The following TBC1D22A variants were observed in gnomAD, a reference collection of about 807,000 sequenced individuals.
TBC1D22A encodes TBC1 domain family member 22A.
Under a neutral mutation model 60.2 loss-of-function variants are expected in TBC1D22A, and 38 were observed. The observed-to-expected ratio is 0.63, with a 90% CI of 0.49 to 0.83. The LOEUF (loss-of-function observed/expected upper bound fraction) is 0.83, where lower values mean the gene tolerates loss of function less well. TBC1D22A is among the 40% of genes least tolerant of loss of function. The pLI is 0.00. For synonymous variants in TBC1D22A, 302 were observed against 281.7 expected, an observed-to-expected ratio of 1.07 and a Z score of -0.72; for missense variants, 628 against 701.0, an observed-to-expected ratio of 0.90 and a Z score of 1.18.
chr22:47,010,335 CT>C (rs371885971), intron 10 of TBC1D22A, among the ~76,000 whole-genome samples: 5 of 151,386 alleles, frequency 3.3e-5, no homozygotes, highest in African/African-American at 1.2e-4. Flanking sequence ...GCGTGGCTCC[CT>C]CCCCCTGGCT....
intron 8 of TBC1D22A, among the ~76,000 whole-genome samples, chr22:46,933,338 A>G (rs1325583213): frequency 1.3e-5 from 2 of 152,154 alleles, no homozygotes; most frequent in Non-Finnish European, 2.9e-5. Flanking sequence ...GGGCCTTCCC[A>G]TTAGGTAAGC....
chr22:47,161,916 C>T (rs533267808), intron 12 of TBC1D22A, among the ~76,000 whole-genome samples: 11 of 152,344 alleles, frequency 7.2e-5, no homozygotes, highest in African/African-American at 1.4e-4. Context: ...TTGCATTTTT[C>T]GGGGTGGTAG....
intron 7 of TBC1D22A, 81 bp downstream of exon 7, chr22:46,894,927 C>T (rs901203639): frequency 2.6e-5 from 40 of 1,512,298 alleles, no homozygotes; most frequent in African/African-American, 4.1e-5. Context: ...TGGGCGCAGC[C>T]GGAGGTGCTT....
chr22:46,854,239 T>C (rs576530413), intron 4 of TBC1D22A, among the ~76,000 whole-genome samples: 1 of 152,310 alleles, frequency 6.6e-6, no homozygotes, highest in South Asian at 2.1e-4. Flanking sequence ...TGGACGTGGT[T>C]GAGAGTCAGG....
chr22:46,783,584 A>C (rs918330334), intron 1 of TBC1D22A, among the ~76,000 whole-genome samples: 2 of 102,078 alleles, frequency 2.0e-5, no homozygotes, highest in African/African-American at 8.8e-5. Flanking sequence ...CCATGTGTGC[A>C]GGAGCAGTTT....
chr22:46,957,689 G>A (rs1025795062), intron 8 of TBC1D22A, among the ~76,000 whole-genome samples: 3 of 152,232 alleles, frequency 2.0e-5, no homozygotes, highest in African/African-American at 7.2e-5. Flanking sequence ...TGAGGACAGC[G>A]TGGGCCAGCT....
At chr22:46,787,837 A>T (rs2084226161) in intron 1 of TBC1D22A, among the ~76,000 whole-genome samples, 1 of 151,986 alleles carries the variant, frequency 6.6e-6, no homozygotes, top group African/African-American at 2.4e-5. Flanking sequence ...GGGGGAAGTG[A>T]ATCTCTGGGT....
chr22:46,881,850 C>A (rs2067867508), intron 5 of TBC1D22A, among the ~76,000 whole-genome samples: 1 of 152,234 alleles, frequency 6.6e-6, no homozygotes. Context: ...CTGATGCCAT[C>A]CAGCTCCCCA....
At chr22:46,810,964 A>G (rs2085352548) in intron 4 of TBC1D22A, among the ~76,000 whole-genome samples, 1 of 152,172 alleles carries the variant, frequency 6.6e-6, no homozygotes, top group South Asian at 2.1e-4. Context: ...AGGATGATTG[A>G]AGAGGCTGGG....
chr22:47,025,667 G>A (rs184865795), intron 10 of TBC1D22A, among the ~76,000 whole-genome samples: 9 of 152,302 alleles, frequency 5.9e-5, no homozygotes, highest in Middle Eastern at 3.4e-3. Flanking sequence ...AGAGGTCAAC[G>A]TATAGTACTG....
At chr22:47,115,585 C>T (rs1477178927) in intron 12 of TBC1D22A, among the ~76,000 whole-genome samples, 1 of 152,190 alleles carries the variant, frequency 6.6e-6, no homozygotes, top group East Asian at 1.9e-4. Context: ...CGTCCTTGCC[C>T]TCTGTGGGTC....
At position 47,091,840 on chromosome 22, in the gene TBC1D22A, C is replaced by A. The variant is rs78534894; in HGVS notation, c.1330-19668C>A. 8.1e-3 allele frequency among the ~76,000 whole-genome samples: 1,229 copies of A among 152,320 alleles called. 8 individuals are homozygous for A. The highest frequency in any genetic ancestry group is 0.011 in the Non-Finnish European group (732 of 68,032). On this transcript the variant is annotated intron_variant, in intron 11 of 12. Coordinates refer to ENST00000337137, the MANE Select transcript of TBC1D22A (RefSeq NM_014346.5). Reference sequence around the variant, plus strand: ...TGAGGAATTTTCAGTTTAGTGTTCACAGTGAGACAGGTATTAACACACCGT... The same window carrying A: ...TGAGGAATTTTCAGTTTAGTGTTCAAAGTGAGACAGGTATTAACACACCGT...
At chr22:47,166,081 A>G (rs2068199372) in intron 12 of TBC1D22A, among the ~76,000 whole-genome samples, 1 of 152,180 alleles carries the variant, frequency 6.6e-6, no homozygotes, top group Non-Finnish European at 1.5e-5. Context: ...TGACTTGAGT[A>G]GCTTTTAAGT....
chr22:47,164,428 A>G (rs1247325211), intron 12 of TBC1D22A, among the ~76,000 whole-genome samples: 1 of 152,196 alleles, frequency 6.6e-6, no homozygotes, highest in African/African-American at 2.4e-5. Context: ...GGGGAGTGTC[A>G]GGTTGAGCTC....
At chr22:47,101,670 C>T (rs939359622) in intron 11 of TBC1D22A, among the ~76,000 whole-genome samples, 2 of 152,160 alleles carry the variant, frequency 1.3e-5, no homozygotes, top group African/African-American at 2.4e-5. Context: ...TGTAACAGAC[C>T]GGCGCCAGCA....
intron 4 of TBC1D22A, among the ~76,000 whole-genome samples, chr22:46,855,241 T>C (rs1225457005): frequency 6.6e-6 from 1 of 152,228 alleles, no homozygotes; most frequent in African/African-American, 2.4e-5. Flanking sequence ...ATACACCATA[T>C]GGTCCCCTTA....
At chr22:46,995,530 TGTGA>T (rs944360255) in intron 9 of TBC1D22A, among the ~76,000 whole-genome samples, 4 of 152,072 alleles carry the variant, frequency 2.6e-5, no homozygotes, top group Admixed American at 2.0e-4. Context: ...TGTGTGTGTG[TGTGA>T]GAGAGAAACG....
intron 8 of TBC1D22A, among the ~76,000 whole-genome samples, chr22:46,917,972 C>G (rs973763042): frequency 2.0e-5 from 3 of 152,154 alleles, no homozygotes; most frequent in African/African-American, 7.2e-5. Flanking sequence ...TGGGGCCTGA[C>G]CGCTGGGGTC....
chr22:46,823,008 C>T (rs1012135186), intron 4 of TBC1D22A, among the ~76,000 whole-genome samples: 3 of 152,172 alleles, frequency 2.0e-5, no homozygotes, highest in Admixed American at 1.3e-4. Flanking sequence ...GCAAGAGAGT[C>T]GGTGCTGGGA....
Sources: allele counts gnomAD v4.1 joint callset (sites outside exome capture counted in the v4.1 genomes callset), GRCh38; gene constraint gnomAD v4.1.1; transcripts MANE v1.5; gene names NCBI Gene and HGNC (gene_info 2026-07-23, HGNC 2026-07-21).